The following OR6C2 variants were observed in gnomAD, a reference collection of about 807,000 sequenced individuals.
The protein encoded by OR6C2 is olfactory receptor family 6 subfamily C member 2.
For missense variants in OR6C2, 435 were observed against 365.8 expected (o/e 1.19, Z -1.54); for synonymous variants, 146 against 134.2 (o/e 1.09, Z -0.61).
intron 1 of OR6C2, among the ~76,000 whole-genome samples, chr12:55,447,901 A>G (rs775298199): frequency 3.3e-5 from 5 of 152,084 alleles, no homozygotes; most frequent in Non-Finnish European, 5.9e-5. Flanking sequence ...AAATTTTTTG[A>G]GGAAAGTTTC....
rs1395854107 is a variant in OR6C2, at chr12:55,452,842, T to C, written c.629T>C (p.Val210Ala). 6.2e-7 allele frequency: 1 copy of C among 1,613,686 alleles called. No individual in the cohort carries two copies. Among genetic ancestry groups the C allele is most frequent in the Non-Finnish European group, 8.5e-7 (1 of 1,179,800 alleles). Residue 210 changes from valine to alanine, a missense_variant, in exon 2 of 2, where the codon GTT becomes GCT. Physicochemically the swap from Val to Ala is moderately conservative, Grantham distance 64. Coordinates refer to ENST00000641202, the MANE Select transcript of OR6C2 (RefSeq NM_054105.2). The stretch of plus-strand genomic sequence containing the variant: ...GTATTTGCACTCATTATCACCCTAG[T>C]TTGTGTGATTCTGTCCTACTTGTAC... ...MAVFALIITL[V>A]CVILSYLYIV...
intron 1 of OR6C2, among the ~76,000 whole-genome samples, chr12:55,445,314 C>T (rs1488318111): frequency 6.6e-6 from 1 of 152,122 alleles, no homozygotes; most frequent in Non-Finnish European, 1.5e-5. Context: ...ATGGGCCTTG[C>T]CATATGTATC....
chr12:55,447,312 TTA>T lies in OR6C2; in HGVS notation c.-888+3154_-888+3155del, dbSNP rs142107217. On this transcript the variant is annotated intron_variant, in intron 1 of 1. Transcript: ENST00000641202. ...TTAAGTTAGTTTTCTTGGATTCTTT[TTA>T]GTTTTTGGGTTTTTTTTTTTTTACA... is the stretch of plus-strand genomic sequence containing the variant. Among the ~76,000 whole-genome samples, 550 of 141,186 alleles carry T rather than the reference TTA, an allele frequency of 3.9e-3. 19 individuals are homozygous for T. The East Asian group carries it at 0.085, about 22-fold the overall frequency. 92.6% of individuals were successfully genotyped at this position (141,186 alleles called of 152,430 possible).
Position 55,452,430 on chromosome 12 carries a change from A to G in OR6C2, c.217A>G (p.Thr73Ala). The G allele has an allele frequency of 1.2e-6, 2 of 1,613,444 alleles. No homozygotes were observed. Among genetic ancestry groups the G allele is most frequent in the Non-Finnish European group, 1.7e-6 (2 of 1,179,488 alleles). ...TTCCTTCTTAGAAGTCTCATTTACT[A>G]CAGTCTGCATTCCCAGATTCTTGTA... ...NFSFLEVSFT[T>A]VCIPRFLYNI... The change falls in exon 2 of 2, where the codon ACA becomes GCA. Residue 73 changes from threonine (T) to alanine (A), a missense_variant. By Grantham distance (58) the Thr-to-Ala change is moderately conservative. Transcript: ENST00000641202.
chr12:55,448,488 C>A, intron 1 of OR6C2, among the ~76,000 whole-genome samples: 1 of 147,004 alleles, frequency 6.8e-6, no homozygotes, highest in African/African-American at 2.5e-5. Flanking sequence ...CTGAGAATTC[C>A]AACATAGCAA....
chr12:55,446,840 AGAGAT>A (rs1275351601), intron 1 of OR6C2, among the ~76,000 whole-genome samples: 1 of 152,238 alleles, frequency 6.6e-6, no homozygotes, highest in Non-Finnish European at 1.5e-5. Flanking sequence ...GAAGAGAAAA[AGAGAT>A]GAGAGGCTGG....
chr12:55,452,066 C>T lies in OR6C2; in HGVS notation c.-148C>T. The T allele has an allele frequency of 3.8e-6, 2 of 529,600 alleles. No homozygotes were observed. The highest frequency in any genetic ancestry group is 3.6e-5 in the South Asian group (1 of 28,118). The allele number at this position is 529,600 out of a possible 1,614,324, so 32.8% of individuals were successfully genotyped here. A position where few individuals can be genotyped will look rare whatever the true frequency, so the allele number is the denominator to read the frequency against. The stretch of plus-strand genomic sequence containing the variant: ...AGAAAGGTTATTGGAACACTGGCAA[C>T]ATTGATTATTCTATAAAGGGAGAAA... On this transcript the variant is annotated 5_prime_UTR_variant, in exon 2 of 2. Transcript: ENST00000641202.
chr12:55,450,613 C>T (rs948347582), intron 1 of OR6C2, among the ~76,000 whole-genome samples: 5 of 152,062 alleles, frequency 3.3e-5, no homozygotes, highest in Admixed American at 6.6e-5. Context: ...CTTAGCAATG[C>T]TTTTTACCTG....
chr12:55,444,883 T>C (rs1194612924), intron 1 of OR6C2, among the ~76,000 whole-genome samples: 1 of 152,160 alleles, frequency 6.6e-6, no homozygotes, highest in African/African-American at 2.4e-5. Context: ...TTTGCTTGTA[T>C]AAAAGCAAAA....
rs1871492983 is a variant in OR6C2, at chr12:55,452,346, A to G, written c.133A>G (p.Thr45Ala). ...TGTAACAGGGAACCTGACTATTATC[A>G]CCCTCACATTGGTGGACCACCACCT... The part of the protein sequence containing the change: ...LSVTGNLTII[T>A]LTLVDHHLKT... Residue 45 changes from threonine to alanine, a missense_variant, in exon 2 of 2, where the codon ACC (threonine) becomes GCC (alanine). Thr to Ala is a moderately conservative substitution (Grantham distance 58, BLOSUM62 0). Coordinates refer to ENST00000641202, the MANE Select transcript of OR6C2 (RefSeq NM_054105.2). The G allele has an allele frequency of 6.2e-7, 1 of 1,613,542 alleles. No homozygotes were observed. The highest frequency in any genetic ancestry group is 8.5e-7 in the Non-Finnish European group (1 of 1,179,718).
chr12:55,448,665 A>AAAAG (rs1555179360), intron 1 of OR6C2, among the ~76,000 whole-genome samples: 1 of 146,914 alleles, frequency 6.8e-6, no homozygotes, highest in East Asian at 2.1e-4. Context: ...AAAAAGAAAG[A>AAAAG]AAAGAAAAGA....
In OR6C2 at chr12:55,449,921, C is replaced by T. The variant is rs1366075523; in HGVS notation, c.-887-1406C>T. 4.0e-5 allele frequency among the ~76,000 whole-genome samples: 6 copies of T among 151,676 alleles called. No homozygotes were observed. The South Asian group carries it at 8.3e-4, about 21-fold the overall frequency. On this transcript the variant is annotated intron_variant, in intron 1 of 1. Transcript: ENST00000641202. ...AACTTTGAATTGAAAATAGTCTGGCCTTTTGTCTAAGAATGTACTAAAAAT... is the reference window on the plus strand; with the variant it reads ...AACTTTGAATTGAAAATAGTCTGGCTTTTTGTCTAAGAATGTACTAAAAAT...
chr12:55,448,585 T>G (rs1238077027), intron 1 of OR6C2, among the ~76,000 whole-genome samples: 4 of 116,020 alleles, frequency 3.4e-5, no homozygotes, highest in Admixed American at 9.7e-5. Flanking sequence ...GACCTAAAAC[T>G]AAACTTTTCC....
intron 1 of OR6C2, among the ~76,000 whole-genome samples, chr12:55,447,711 A>G (rs1298609787): frequency 3.9e-5 from 6 of 152,074 alleles, no homozygotes; most frequent in Non-Finnish European, 4.4e-5. Flanking sequence ...TGTATTATAT[A>G]TTCCACATTT....
At position 55,453,024 on chromosome 12, in the gene OR6C2, G is replaced by A. The variant is rs780289788; in HGVS notation, c.811G>A (p.Gly271Arg). Residue 271 changes from glycine (G) to arginine (R), a missense_variant, in exon 2 of 2, where the codon GGA (glycine) becomes AGA (arginine). Coordinates refer to ENST00000641202, the MANE Select transcript of OR6C2 (RefSeq NM_054105.2). Reference sequence around the variant, plus strand: ...AAAAGATGAGGTGGCCATAAATAAAGGAGTTTCAGTTCTTACTACTTCTGT... The same window carrying A: ...AAAAGATGAGGTGGCCATAAATAAAAGAGTTTCAGTTCTTACTACTTCTGT... The part of the protein sequence containing the change: ...SAKDEVAINK[G>R]VSVLTTSVAP... 5.0e-6 allele frequency: 8 copies of A among 1,613,436 alleles called. No homozygotes were observed. In the Admixed American group the frequency reaches 1.0e-4, roughly 20 times the overall value.
chr12:55,451,173 T>C (rs1249480496), intron 1 of OR6C2, among the ~76,000 whole-genome samples, 154 bp from the exon 2 acceptor site: 6 of 152,010 alleles, frequency 3.9e-5, no homozygotes. Flanking sequence ...TTACAAATAA[T>C]TCAGTTATAT....
chr12:55,446,377 G>T (rs568830116), intron 1 of OR6C2, among the ~76,000 whole-genome samples: 1 of 151,300 alleles, frequency 6.6e-6, no homozygotes, highest in African/African-American at 2.4e-5. Context: ...TTGAATGCCC[G>T]CCTTGGCCTC....
rs751016390 is a variant in OR6C2, at chr12:55,453,194, C to A, written c.*42C>A. 1.4e-6 allele frequency: 2 copies of A among 1,415,322 alleles called. No individual in the cohort carries two copies. Among genetic ancestry groups the A allele is most frequent in the South Asian group, 1.2e-5 (1 of 80,750 alleles). 87.7% of individuals were successfully genotyped at this position (1,415,322 alleles called of 1,614,324 possible). On this transcript the variant is annotated 3_prime_UTR_variant, in exon 2 of 2. Transcript: ENST00000641202. Reference sequence around the variant, plus strand: ...GCATAAAGTGAATGAAGAAGGCTCCCTAAATGTCATCCTACAGCTTTTAAC... The same window carrying A: ...GCATAAAGTGAATGAAGAAGGCTCCATAAATGTCATCCTACAGCTTTTAAC...
Position 55,452,964 on chromosome 12 carries a change from G to A in OR6C2, c.751G>A (p.Gly251Arg), listed in dbSNP as rs1393814963. ...CATGATTGTGGTTTCCATTGCCTAT[G>A]GAAGCTGCATCTTCATCTATATCAA... The part of the protein sequence containing the change: ...SHMIVVSIAY[G>R]SCIFIYIKPS... Residue 251 changes from glycine (G) to arginine (R), a missense_variant, in exon 2 of 2, where the codon GGA (glycine) becomes AGA (arginine). Physicochemically the swap from Gly to Arg is moderately radical, Grantham distance 125. Coordinates refer to ENST00000641202, the MANE Select transcript of OR6C2 (RefSeq NM_054105.2). 1.9e-6 allele frequency: 3 copies of A among 1,613,636 alleles called. No homozygotes were observed. Among genetic ancestry groups the A allele is most frequent in the Middle Eastern group, 1.7e-4 (1 of 6,060 alleles).
Sources: gnomAD v4.1 joint callset for allele counts (sites outside exome capture counted in the v4.1 genomes callset) on GRCh38, gnomAD v4.1.1 for gene constraint, MANE v1.5 for transcripts, NCBI Gene and HGNC (gene_info 2026-07-23, HGNC 2026-07-21) for gene names.